RAI14: variants seen among roughly 807,000 people sequenced by gnomAD.
The protein encoded by RAI14 is retinoic acid induced 14.
RAI14 carries 45 observed loss-of-function variants against 115.4 expected under a neutral mutation model. The ratio of observed to expected loss-of-function variants is 0.39; its 90% CI spans 0.31 to 0.50. The LOEUF (loss-of-function observed/expected upper bound fraction) is 0.50, where lower values mean the gene tolerates loss of function less well. Among genes scored for constraint, RAI14 ranks in the 20% least tolerant of loss-of-function variants. The pLI, the probability that RAI14 is intolerant of heterozygous loss-of-function variation, is 0.85. For synonymous variants in RAI14, 371 were observed against 415.4 expected, an observed-to-expected ratio of 0.89 and a Z score of 1.30; for missense variants, 939 against 1,131.2, an observed-to-expected ratio of 0.83 and a Z score of 2.44.
intron 3 of RAI14, among the ~76,000 whole-genome samples, chr5:34,776,676 G>T (rs1047038296): frequency 6.6e-6 from 1 of 152,050 alleles, no homozygotes; most frequent in African/African-American, 2.4e-5. Context: ...GCATGGTAGT[G>T]TGTATCTGTA....
intron 2 of RAI14, among the ~76,000 whole-genome samples, chr5:34,690,777 G>A (rs1738495892): frequency 6.6e-6 from 1 of 152,100 alleles, no homozygotes; most frequent in Non-Finnish European, 1.5e-5. Flanking sequence ...TTTCTATGGT[G>A]GATAACCTTT....
intron 5 of RAI14, among the ~76,000 whole-genome samples, chr5:34,806,614 G>A (rs772063465): frequency 3.9e-5 from 6 of 151,988 alleles, no homozygotes; most frequent in Non-Finnish European, 8.8e-5. Flanking sequence ...AAGAGGGGTC[G>A]GGGAAGGGGG....
intron 4 of RAI14, among the ~76,000 whole-genome samples, chr5:34,798,187 C>G (rs1327593281): frequency 2.6e-5 from 4 of 152,054 alleles, no homozygotes; most frequent in South Asian, 2.1e-4. Context: ...AGGCACCCAC[C>G]ACCACCACGC....
At chr5:34,730,255 A>G (rs1380588108) in intron 2 of RAI14, among the ~76,000 whole-genome samples, 28 of 152,248 alleles carry the variant, frequency 1.8e-4, no homozygotes, top group Non-Finnish European at 1.5e-5. Flanking sequence ...GTGTCTTTAT[A>G]TGCACAAATG....
rs551828080 is a variant in RAI14 at position 34,811,705 on chromosome 5, T to C, written c.558-62T>C. On this transcript the variant is annotated intron_variant, in intron 8 of 17. Transcript: ENST00000265109. ...TTTTCTCTTTTTTTAAGACAACTGA[T>C]TTCCCAAGAAAGACTTTTTACATTC... 9 of 1,422,320 alleles carry C rather than the reference T, an allele frequency of 6.3e-6. No individual in the cohort carries two copies. In the African/African-American group the frequency reaches 1.3e-4, roughly 21 times the overall value. The allele number at this position is 1,422,320 out of a possible 1,614,324, so 88.1% of individuals were successfully genotyped here.
chr5:34,750,354 AT>A, intron 2 of RAI14, among the ~76,000 whole-genome samples: 1 of 152,184 alleles, frequency 6.6e-6, no homozygotes, highest in Non-Finnish European at 1.5e-5. Context: ...CAGAAATCAT[AT>A]GCAAGTTTTT....
rs1279080501 is a variant in RAI14 at position 34,776,803 on chromosome 5, T to TCAAAAAAAAAAACAACAA, written c.168-19136_168-19135insCAAAAAAAAAAACAACAA. Among the ~76,000 whole-genome samples, 14 of 144,858 alleles carry TCAAAAAAAAAAACAACAA rather than the reference T, an allele frequency of 9.7e-5. 2 individuals are homozygous for TCAAAAAAAAAAACAACAA. Among genetic ancestry groups the TCAAAAAAAAAAACAACAA allele is most frequent in the Middle Eastern group, 3.3e-3 (1 of 304 alleles). ...GCCTGGGTGACAGAGTGAGACCCTT[T>TCAAAAAAAAAAACAACAA]ATTAAAAAAACCCACCAAAACTCAT... On this transcript the variant is annotated intron_variant, in intron 3 of 17. Coordinates refer to ENST00000265109, the MANE Select transcript of RAI14 (RefSeq NM_015577.3).
chr5:34,698,828 C>T (rs773166344), intron 2 of RAI14, among the ~76,000 whole-genome samples: 7 of 151,964 alleles, frequency 4.6e-5, no homozygotes, highest in Non-Finnish European at 1.0e-4. Context: ...TTTGAGAGAC[C>T]GTAACCAGAA....
chr5:34,702,497 C>T (rs1002039224), intron 2 of RAI14, among the ~76,000 whole-genome samples: 7 of 152,148 alleles, frequency 4.6e-5, no homozygotes, highest in African/African-American at 9.6e-5. Flanking sequence ...GGCAAGTGAG[C>T]GGGGGAAGAA....
intron 3 of RAI14, among the ~76,000 whole-genome samples, chr5:34,770,722 A>G (rs182806611): frequency 5.3e-5 from 8 of 152,304 alleles, no homozygotes; most frequent in Middle Eastern, 3.4e-3. Context: ...CCCAGTGAAT[A>G]GGGAGAGTCC....
In RAI14 at chr5:34,788,600, A is replaced by AT. The variant is rs776470851; in HGVS notation, c.168-7339_168-7338insT. Among the ~76,000 whole-genome samples the AT allele has an allele frequency of 3.9e-5, 6 of 152,358 alleles. No individual in the cohort carries two copies. In the South Asian group the frequency reaches 8.3e-4, roughly 21 times the overall value. ...TATAGAAGTAGCAGTACTTGTAAAAAATATATAACTATAGAAATATCAAAA... is the reference window on the plus strand; with the variant it reads ...TATAGAAGTAGCAGTACTTGTAAAAATATATATAACTATAGAAATATCAAAA... On this transcript the variant is annotated intron_variant, in intron 3 of 17. Transcript: ENST00000265109.
rs115380264 is a variant in RAI14 at position 34,797,333 on chromosome 5, A to T, written c.256+1306A>T. On this transcript the variant is annotated intron_variant, in intron 4 of 17. Coordinates refer to ENST00000265109, the MANE Select transcript of RAI14 (RefSeq NM_015577.3). ...ATCAGCCAGGTATTGCAGGAATGCTATTATTACTCAAAATATGGTTGGGAA... is the reference window on the plus strand; with the variant it reads ...ATCAGCCAGGTATTGCAGGAATGCTTTTATTACTCAAAATATGGTTGGGAA... Among the ~76,000 whole-genome samples the T allele has an allele frequency of 2.6e-5, 4 of 152,124 alleles. No individual in the cohort carries two copies. In the East Asian group the frequency reaches 7.7e-4, roughly 29 times the overall value.
At chr5:34,705,179 G>A (rs1183730799) in intron 2 of RAI14, among the ~76,000 whole-genome samples, 1 of 152,108 alleles carries the variant, frequency 6.6e-6, no homozygotes, top group Non-Finnish European at 1.5e-5. Context: ...AACAACTTGG[G>A]TATGTGAATT....
In RAI14 at chr5:34,824,097, G is replaced by C; in HGVS notation, c.2255G>C (p.Ser752Thr). 1 of 1,614,152 alleles carries C rather than the reference G, an allele frequency of 6.2e-7. No homozygotes were observed. Among genetic ancestry groups the C allele is most frequent in the South Asian group, 1.1e-5 (1 of 91,080 alleles). ...GCAAAAGAGATGGAAGAAAAAATAAGCAATCTTAAGGAACACCTTGCAAGC... is the reference window on the plus strand; with the variant it reads ...GCAAAAGAGATGGAAGAAAAAATAACCAATCTTAAGGAACACCTTGCAAGC... Reference protein sequence around the residue: ...TAAKEMEEKISNLKEHLASKE... With the variant: ...TAAKEMEEKITNLKEHLASKE... The change falls in exon 15 of 18, where the codon AGC becomes ACC. Residue 752 changes from serine (S) to threonine (T), a missense_variant. Coordinates refer to ENST00000265109, the MANE Select transcript of RAI14 (RefSeq NM_015577.3).
At chr5:34,826,290 CAT>C in intron 15 of RAI14, 38 bp from the exon 16 acceptor site, 1 of 1,581,998 alleles carries the variant, frequency 6.3e-7, no homozygotes, top group Non-Finnish European at 8.6e-7. Context: ...GCTTTGTAGA[CAT>C]GTTACTGTCT....
At chr5:34,720,312 GTTGT>G (rs1384261060) in intron 2 of RAI14, among the ~76,000 whole-genome samples, 1 of 151,478 alleles carries the variant, frequency 6.6e-6, no homozygotes, top group Non-Finnish European at 1.5e-5. Context: ...AGGATGATGG[GTTGT>G]TTATCATTTA....
intron 3 of RAI14, among the ~76,000 whole-genome samples, chr5:34,787,619 T>C (rs572451442): frequency 1.3e-5 from 2 of 152,258 alleles, no homozygotes; most frequent in South Asian, 2.1e-4. Context: ...TGCTAATCGA[T>C]ACAGGGATTT....
At position 34,808,577 on chromosome 5, in the gene RAI14, C is replaced by T. The variant is rs778389034; in HGVS notation, c.380-7C>T. ...TGGCTGTGGTATTTATATTTTCCTT[C>T]CCCCAGCGGCTCAGGGCTGCCTTCA... On this transcript the variant is annotated splice_region_variant and splice_polypyrimidine_tract_variant and intron_variant, in intron 6 of 17. Transcript: ENST00000265109. 2.5e-6 allele frequency: 4 copies of T among 1,613,522 alleles called. No individual in the cohort carries two copies. In the South Asian group the frequency reaches 3.3e-5, roughly 13 times the overall value.
intron 2 of RAI14, among the ~76,000 whole-genome samples, chr5:34,748,909 C>T (rs4499805): frequency 0.16 from 24,345 of 151,936 alleles, 2,210 homozygotes; most frequent in Non-Finnish European, 0.18. Flanking sequence ...GGGATTAGAT[C>T]TCACTTATCT....
Sources: gnomAD v4.1 joint callset for allele counts (sites outside exome capture counted in the v4.1 genomes callset) on GRCh38, gnomAD v4.1.1 for gene constraint, MANE v1.5 for transcripts, NCBI Gene and HGNC (gene_info 2026-07-23, HGNC 2026-07-21) for gene names.